Variants in BCAP31 observed in about 807,000 individuals in gnomAD.
BCAP31 encodes the protein B-cell receptor-associated protein 31.
For synonymous variants in BCAP31, 75 were observed against 80.9 expected, an observed-to-expected ratio of 0.93 and a Z score of 0.39; for missense variants, 124 against 193.0, an observed-to-expected ratio of 0.64 and a Z score of 2.12.
intron 1 of BCAP31, chrX:153,723,508 C>G (rs2091683288): frequency 6.9e-6 from 8 of 1,160,305 alleles, no homozygotes; most frequent in Non-Finnish European, 9.2e-6. Flanking sequence ...GGTCAATTAC[C>G]TGCCCCCTCC....
intron 4 of BCAP31, among the ~76,000 whole-genome samples, chrX:153,706,920 G>A (rs782119239): frequency 8.9e-6 from 1 of 112,078 alleles, no homozygotes; most frequent in East Asian, 2.8e-4. Flanking sequence ...CCACCTCCCA[G>A]AGCAAGGCAA....
At chrX:153,715,485 T>C (rs1424906800) in intron 4 of BCAP31, 57 bp downstream of exon 4, 1 of 1,183,495 alleles carries the variant, frequency 8.4e-7, no homozygotes, top group East Asian at 3.0e-5. Context: ...GAGCTCGGTG[T>C]CCATGGCTAG....
chrX:153,714,106 A>G (rs782291166), intron 4 of BCAP31, among the ~76,000 whole-genome samples: 1 of 108,132 alleles, frequency 9.2e-6, no homozygotes, highest in African/African-American at 3.4e-5. Context: ...CGAACTCCTG[A>G]CCTCAGGTGA....
rs1397077479 is a variant in BCAP31 at position 153,715,777 on chromosome X, G to A, written c.194-88C>T. The A allele has an allele frequency of 3.8e-6, 4 of 1,060,926 alleles. No homozygotes were observed. The African/African-American group carries it at 5.6e-5, about 15-fold the overall frequency. The allele number at this position is 1,060,926 out of a possible 1,213,427, so 87.4% of individuals were successfully genotyped here. ...CCAGGCAGACAGGCGGCATGAGACA[G>A]GTCAGACTCACTTCCCTCAAATCCG... On this transcript the variant is annotated intron_variant, in intron 3 of 7. Transcript: ENST00000345046.
intron 4 of BCAP31, chrX:153,705,073 C>T (rs1442616888): frequency 8.9e-6 from 1 of 112,685 alleles, no homozygotes; most frequent in Non-Finnish European, 1.9e-5. Context: ...CTTTCTCACA[C>T]ACCTCAGAAG....
chrX:153,716,608 T>A (rs907332741), intron 3 of BCAP31, among the ~76,000 whole-genome samples: 4 of 105,317 alleles, frequency 3.8e-5, no homozygotes, highest in African/African-American at 1.4e-4. Flanking sequence ...AAAAAAATTT[T>A]AAATAGCTGG....
At chrX:153,715,275 C>T in intron 4 of BCAP31, 1 of 370,853 alleles carries the variant, frequency 2.7e-6, no homozygotes, top group Non-Finnish European at 4.7e-6. Flanking sequence ...GCAAACAGAC[C>T]GTGAGATAGT....
intron 4 of BCAP31, among the ~76,000 whole-genome samples, chrX:153,714,940 C>T (rs1305676910): frequency 9.0e-6 from 1 of 111,545 alleles, no homozygotes; most frequent in African/African-American, 3.3e-5. Context: ...AACAGGGCCC[C>T]AGGCTCAAAT....
intron 3 of BCAP31, among the ~76,000 whole-genome samples, chrX:153,720,513 C>T (rs782258174): frequency 2.0e-4 from 22 of 110,765 alleles, no homozygotes; most frequent in Non-Finnish European, 3.6e-4. Flanking sequence ...TACAGGTGCC[C>T]GCCACCACGC....
At chrX:153,702,877 G>T (rs1348712010) in intron 6 of BCAP31, 58 bp downstream of exon 6, 1 of 1,191,558 alleles carries the variant, frequency 8.4e-7, no homozygotes, top group Admixed American at 2.2e-5. Flanking sequence ...GGGCAGCAGC[G>T]GGCAGAGGAG....
intron 3 of BCAP31, among the ~76,000 whole-genome samples, chrX:153,716,037 G>A (rs1225685190): frequency 9.1e-6 from 1 of 109,447 alleles, no homozygotes; most frequent in Non-Finnish European, 1.9e-5. Context: ...GTGGTGGTGG[G>A]CGCCTGTAAT....
intron 4 of BCAP31, chrX:153,705,421 C>T (rs781996084): frequency 8.9e-6 from 1 of 112,928 alleles, no homozygotes; most frequent in East Asian, 2.8e-4. Context: ...CTGGCAGCAC[C>T]AGGAGAGCCA....
At chrX:153,721,791 G>A (rs994223292) in intron 2 of BCAP31, among the ~76,000 whole-genome samples, 2 of 106,769 alleles carry the variant, frequency 1.9e-5, no homozygotes, top group African/African-American at 6.8e-5. Context: ...CCAGCTACTC[G>A]TGAGGCTGAG....
chrX:153,718,358 G>A (rs781983626), intron 3 of BCAP31, among the ~76,000 whole-genome samples: 6 of 108,358 alleles, frequency 5.5e-5, no homozygotes, highest in African/African-American at 2.0e-4. Flanking sequence ...ACGTGCAGCA[G>A]GTAGAAAAAG....
intron 3 of BCAP31, among the ~76,000 whole-genome samples, 160 bp downstream of exon 3, chrX:153,720,711 CA>C (rs1269876600): frequency 8.9e-6 from 1 of 112,236 alleles, no homozygotes; most frequent in Non-Finnish European, 1.9e-5. Flanking sequence ...GCAGCATGGG[CA>C]AAGGGAGCCT....
At chrX:153,703,812 T>C (rs2091535380) in intron 5 of BCAP31, 147 bp downstream of exon 5, 5 of 850,945 alleles carry the variant, frequency 5.9e-6, no homozygotes, top group East Asian at 3.4e-5. Flanking sequence ...CACTGAGGAC[T>C]TCCCCTCTGC....
rs374678551 is a variant in BCAP31 at position 153,709,142 on chromosome X, T to C, written c.342-5048A>G. ...AACCAGCTATCTGAGGGGTTTGGGG[T>C]AAGCTGGAGGGTAGAGAGCAACCGA... On this transcript the variant is annotated intron_variant, in intron 4 of 7. Transcript: ENST00000345046. Among the ~76,000 whole-genome samples the C allele has an allele frequency of 9.0e-5, 10 of 111,263 alleles. No individual in the cohort carries two copies. The East Asian group carries it at 2.4e-3, about 26-fold the overall frequency.
chrX:153,712,731 T>C (rs2091601184), intron 4 of BCAP31, among the ~76,000 whole-genome samples: 1 of 112,188 alleles, frequency 8.9e-6, no homozygotes, highest in Admixed American at 9.5e-5. Context: ...GATTCACCAG[T>C]TGCCCATAAG....
intron 3 of BCAP31, among the ~76,000 whole-genome samples, chrX:153,716,695 G>C (rs1371783709): frequency 9.0e-6 from 1 of 111,586 alleles, no homozygotes; most frequent in African/African-American, 3.3e-5. Context: ...AAGAGGTCAA[G>C]GCTGCTGTGA....
Sources: gnomAD v4.1 joint callset for allele counts (sites outside exome capture counted in the v4.1 genomes callset) on GRCh38, gnomAD v4.1.1 for gene constraint, MANE v1.5 for transcripts, NCBI Gene and HGNC (gene_info 2026-07-23, HGNC 2026-07-21) for gene names.